PER2: variants seen among roughly 807,000 people sequenced by gnomAD.
The protein encoded by PER2 is period circadian regulator 2, also known as period circadian protein homolog 2.
Under a neutral mutation model 121.0 loss-of-function variants are expected in PER2, and 66 were observed. The ratio of observed to expected loss-of-function variants is 0.55; its 90% CI spans 0.45 to 0.67. The LOEUF (loss-of-function observed/expected upper bound fraction) is 0.67. Ranked by LOEUF, PER2 falls within the 30% of genes least tolerant of loss-of-function variation. PER2 has a pLI of 0.00. For missense variants in PER2, 1,521 were observed against 1,635.0 expected (o/e 0.93, Z 1.20); for synonymous variants, 684 against 659.9 (o/e 1.04, Z -0.56).
At chr2:238,262,880 C>T (rs980884479) in intron 10 of PER2, 72 bp downstream of exon 10, 1 of 1,058,598 alleles carries the variant, frequency 9.4e-7, no homozygotes. Context: ...TAGACTGGTC[C>T]CAAGAAGCAG....
intron 1 of PER2, among the ~76,000 whole-genome samples, chr2:238,279,414 G>C (rs945000333): frequency 6.6e-6 from 1 of 152,200 alleles, no homozygotes; most frequent in African/African-American, 2.4e-5. Context: ...CTCACCCCAG[G>C]CCACACAGTA....
chr2:238,253,809 T>A lies in PER2; in HGVS notation c.2321-107A>T. 1 of 866,430 alleles carries A rather than the reference T, an allele frequency of 1.2e-6. No homozygotes were observed. Among genetic ancestry groups the A allele is most frequent in the Non-Finnish European group, 1.9e-6 (1 of 538,830 alleles). The allele number at this position is 866,430 out of a possible 1,614,324, so 53.7% of individuals were successfully genotyped here. A position where few individuals can be genotyped will look rare whatever the true frequency, so the allele number is the denominator to read the frequency against. ...TCCAAATGCTGGCCCAGGGCCTGCC[T>A]GGTCCACCGAGCGGTTTTCCCTGAT... On this transcript the variant is annotated intron_variant, in intron 18 of 22. Transcript: ENST00000254657. The surrounding 1 kb of genome is among the most constrained non-coding windows in gnomAD (Gnocchi z 5.6).
chr2:238,252,821 AC>A lies in PER2; in HGVS notation c.3111+90del. The A allele has an allele frequency of 1.8e-6, 2 of 1,114,872 alleles. No individual in the cohort carries two copies. The highest frequency in any genetic ancestry group is 2.7e-6 in the Non-Finnish European group (2 of 734,142). 69.1% of individuals were successfully genotyped at this position (1,114,872 alleles called of 1,614,324 possible). ...GTTTGGTGGAAACCTCAATCGTGTA[AC>A]CCCCATGTCTGAACTGAGGATGTGC... is the stretch of plus-strand genomic sequence containing the variant. On this transcript the variant is annotated intron_variant, in intron 19 of 22. Transcript: ENST00000254657. This position sits in a 1 kb window ranked among gnomAD's most constrained non-coding sequence, Gnocchi z 4.2.
At chr2:238,282,697 C>A (rs1696666698) in intron 1 of PER2, among the ~76,000 whole-genome samples, 1 of 152,258 alleles carries the variant, frequency 6.6e-6, no homozygotes, top group Non-Finnish European at 1.5e-5. Flanking sequence ...AGGGCTGGCA[C>A]TGGGGCAGAC....
intron 8 of PER2, among the ~76,000 whole-genome samples, chr2:238,265,904 A>ATT (rs759618918): frequency 1.1e-4 from 15 of 140,740 alleles, no homozygotes; most frequent in South Asian, 2.3e-4. Flanking sequence ...CATCTTTACG[A>ATT]TTTTTTTTTT....
intron 10 of PER2, 26 bp downstream of exon 10, chr2:238,262,926 G>A: frequency 6.8e-7 from 1 of 1,471,544 alleles, no homozygotes; most frequent in South Asian, 1.1e-5. Flanking sequence ...AAACACTTCA[G>A]GATGTACCAT....
Position 238,253,771 on chromosome 2 carries a change from A to G in PER2, c.2321-69T>C. Reference sequence around the variant, plus strand: ...AAATTTGAAGACACCTCTTCGTTCAACAGTCCTGGGTTTCCAAATGCTGGC... The same window carrying G: ...AAATTTGAAGACACCTCTTCGTTCAGCAGTCCTGGGTTTCCAAATGCTGGC... On this transcript the variant is annotated intron_variant, in intron 18 of 22. Transcript: ENST00000254657. The surrounding 1 kb of genome is among the most constrained non-coding windows in gnomAD (Gnocchi z 5.6). 1.6e-6 allele frequency: 2 copies of G among 1,246,308 alleles called. No homozygotes were observed. Among genetic ancestry groups the G allele is most frequent in the South Asian group, 2.6e-5 (2 of 78,110 alleles). 77.2% of individuals were successfully genotyped at this position (1,246,308 alleles called of 1,614,324 possible). A position where few individuals can be genotyped will look rare whatever the true frequency, so the allele number is the denominator to read the frequency against.
chr2:238,247,290 C>G (rs1275407416), intron 22 of PER2: 1 of 152,294 alleles, frequency 6.6e-6, no homozygotes, highest in Non-Finnish European at 1.5e-5. Context: ...ACTGTGAGGA[C>G]ATCCAGGCAG....
Position 238,253,239 on chromosome 2 carries a change from C to G in PER2, c.2784G>C (p.Gln928His). ...PNLPQAFFPS[Q>H]PQFPSHPTLT... The stretch of plus-strand genomic sequence containing the variant: ...GTGTGGGGTGGCTCGGAAACTGAGG[C>G]TGGCTGGGGAAGAAGGCCTGGGGCA... Residue 928 changes from glutamine (Q) to histidine (H), a missense_variant, in exon 19 of 23, where the codon CAG becomes CAC. Coordinates refer to ENST00000254657, the MANE Select transcript of PER2 (RefSeq NM_022817.3). The surrounding 1 kb of genome is among the most constrained non-coding windows in gnomAD (Gnocchi z 5.6). 1 of 1,601,546 alleles carries G rather than the reference C, an allele frequency of 6.2e-7. No homozygotes were observed. Among genetic ancestry groups the G allele is most frequent in the Admixed American group, 1.7e-5 (1 of 59,468 alleles).
intron 4 of PER2, among the ~76,000 whole-genome samples, chr2:238,274,021 G>T (rs1696376356): frequency 6.6e-6 from 1 of 152,120 alleles, no homozygotes; most frequent in Non-Finnish European, 1.5e-5. Context: ...GGACCACATG[G>T]CAACCCCTGC....
chr2:238,280,293 A>G (rs1421703630), intron 1 of PER2, among the ~76,000 whole-genome samples: 1 of 152,242 alleles, frequency 6.6e-6, no homozygotes, highest in Non-Finnish European at 1.5e-5. Flanking sequence ...GCCTGGTGAG[A>G]GGCGGGGCTC....
chr2:238,277,192 G>C lies in PER2; in HGVS notation c.232C>G (p.Pro78Ala), dbSNP rs1696482051. The change falls in exon 3 of 23, where the codon CCA becomes GCA. Residue 78 changes from proline (P) to alanine (A), a missense_variant and splice_region_variant. Coordinates refer to ENST00000254657, the MANE Select transcript of PER2 (RefSeq NM_022817.3). ...LVEPPDARQS[P>A]DTFSLMMAKS... Reference sequence around the variant, plus strand: ...GCCATCATCAGGCTAAAGGTATCTGGACTATGAAAACAAAAAATAAAAGCA... The same window carrying C: ...GCCATCATCAGGCTAAAGGTATCTGCACTATGAAAACAAAAAATAAAAGCA... 1 of 1,610,324 alleles carries C rather than the reference G, an allele frequency of 6.2e-7. No individual in the cohort carries two copies. Among genetic ancestry groups the C allele is most frequent in the Non-Finnish European group, 8.5e-7 (1 of 1,176,570 alleles).
Position 238,251,699 on chromosome 2 carries a change from G to A in PER2, c.3174C>T (p.Asn1058=), listed in dbSNP as rs1695605416. Residue 1058 remains asparagine (N), a synonymous_variant, in exon 20 of 23, where the codon AAC becomes AAT. Transcript: ENST00000254657. ...AGCAGAGGTCCTCATTCAGCAGGAGGTTTAGGAGGCCGCTTGACGTGGAAA... is the reference window on the plus strand; with the variant it reads ...AGCAGAGGTCCTCATTCAGCAGGAGATTTAGGAGGCCGCTTGACGTGGAAA... ...DALSTSSGLL[N]LLLNEDLCSA... 6.2e-7 allele frequency: 1 copy of A among 1,614,042 alleles called. No individual in the cohort carries two copies. Among genetic ancestry groups the A allele is most frequent in the Non-Finnish European group, 8.5e-7 (1 of 1,179,886 alleles).
intron 3 of PER2, 45 bp from the exon 4 acceptor site, chr2:238,275,942 T>G (rs900613028): frequency 6.2e-7 from 1 of 1,606,614 alleles, no homozygotes; most frequent in South Asian, 1.1e-5. Flanking sequence ...GCTTCCTAGG[T>G]GTCCTTTCCT....
At chr2:238,276,079 C>T (rs1184932947) in intron 3 of PER2, among the ~76,000 whole-genome samples, 182 bp from the exon 4 acceptor site, 1 of 128,184 alleles carries the variant, frequency 7.8e-6, no homozygotes, top group East Asian at 2.3e-4. Context: ...TCTGGGTGGC[C>T]CTTTGTGGGG....
chr2:238,275,778 A>C lies in PER2; in HGVS notation c.413T>G (p.Leu138Trp), dbSNP rs1419706083. ...CTTCACGCTCCTGAGGGCGTACTTC[A>C]AGGTGGCCAGCGTACTGGCCTTGCC... The part of the protein sequence containing the change: ...AKGKASTLAT[L>W]KYALRSVKQV... Residue 138 changes from leucine to tryptophan, a missense_variant, in exon 4 of 23, where the codon TTG (leucine) becomes TGG (tryptophan). Leu to Trp is a moderately conservative substitution (Grantham distance 61). Transcript: ENST00000254657. 6.2e-7 allele frequency: 1 copy of C among 1,614,218 alleles called. No individual in the cohort carries two copies. The highest frequency in any genetic ancestry group is 8.5e-7 in the Non-Finnish European group (1 of 1,180,008).
intron 1 of PER2, among the ~76,000 whole-genome samples, chr2:238,278,757 C>T (rs955907728): frequency 1.3e-5 from 2 of 152,092 alleles, no homozygotes; most frequent in African/African-American, 2.4e-5. Flanking sequence ...GGCAGAGGGG[C>T]CTGGCAGGTG....
upstream of PER2, chr2:238,288,997 C>G (rs1696884424): frequency 6.6e-6 from 1 of 152,216 alleles, no homozygotes; most frequent in African/African-American, 2.4e-5. Context: ...GCGGCGCGTT[C>G]GTGCTACCCG....
rs1239006047 is a variant in PER2, at chr2:238,245,273, G to C, written c.*1102C>G. ...CCAAGTGTCCAAATGACCTAAAAGT[G>C]CTGGGGACACTGGCAGAGGCCTGAA... On this transcript the variant is annotated 3_prime_UTR_variant, in exon 23 of 23. Transcript: ENST00000254657. The C allele has an allele frequency of 1.3e-5, 4 of 300,328 alleles. No homozygotes were observed. The highest frequency in any genetic ancestry group is 1.0e-4 in the East Asian group (2 of 19,286). The allele number at this position is 300,328 out of a possible 1,614,324, so 18.6% of individuals were successfully genotyped here.
Sources: allele counts gnomAD v4.1 joint callset (sites outside exome capture counted in the v4.1 genomes callset), GRCh38; gene constraint gnomAD v4.1.1; non-coding constraint Gnocchi (gnomAD v3.1); transcripts MANE v1.5; gene names NCBI Gene and HGNC (gene_info 2026-07-23, HGNC 2026-07-21).